The following RIPOR1 variants were observed in gnomAD, a reference collection of about 807,000 sequenced individuals.
RIPOR1 encodes the protein RHO family interacting cell polarization regulator 1.
RIPOR1 carries 58 observed loss-of-function variants against 116.5 expected under a neutral mutation model. The observed-to-expected ratio is 0.50, with a 90% CI of 0.40 to 0.62. The LOEUF (loss-of-function observed/expected upper bound fraction) is 0.62, where lower values mean the gene tolerates loss of function less well. Among genes scored for constraint, RIPOR1 ranks in the 20% least tolerant of loss-of-function variants. RIPOR1 has a pLI of 0.00. For synonymous variants in RIPOR1, 605 were observed against 650.0 expected (o/e 0.93, Z 1.05); for missense variants, 1,372 against 1,586.2 (o/e 0.86, Z 2.29).
Position 67,544,610 on chromosome 16 carries a change from A to G in RIPOR1, c.2734-85A>G, listed in dbSNP as rs1300360195. The G allele has an allele frequency of 3.8e-6, 6 of 1,584,088 alleles. No homozygotes were observed. Among genetic ancestry groups the G allele is most frequent in the East Asian group, 2.2e-5 (1 of 44,508 alleles). ...CAACTCTGCAACCCCAACCTCCCCC[A>G]GTGCATGCTGGGACTTGTCCCTGAG... On this transcript the variant is annotated intron_variant, in intron 15 of 21. Transcript: ENST00000042381. The surrounding 1 kb of genome is among the most constrained non-coding windows in gnomAD (Gnocchi z 5.1).
chr16:67,538,430 C>A lies in RIPOR1; in HGVS notation c.-17C>A. ...CCCCCCCGATCACCCGCAGGGAGCC[C>A]CGCGCGGACTCACTCTATGATGTCC... On this transcript the variant is annotated 5_prime_UTR_variant, in exon 2 of 22. Transcript: ENST00000042381. 6.3e-7 allele frequency: 1 copy of A among 1,584,528 alleles called. No homozygotes were observed. The highest frequency in any genetic ancestry group is 1.8e-5 in the Admixed American group (1 of 55,592).
Position 67,540,391 on chromosome 16 carries a change from G to T in RIPOR1, c.631+28G>T. On this transcript the variant is annotated intron_variant, in intron 8 of 21. Transcript: ENST00000042381. The surrounding 1 kb of genome is among the most constrained non-coding windows in gnomAD (Gnocchi z 4.7). ...ACTGAGTTGTGGGGGCAGGTGGGGG[G>T]CTGGAGGGAGTATGCTGAAGAACCC... The T allele has an allele frequency of 6.2e-7, 1 of 1,614,190 alleles. No homozygotes were observed. The highest frequency in any genetic ancestry group is 1.1e-5 in the South Asian group (1 of 91,088).
At chr16:67,539,415 G>T (rs961528355) in intron 4 of RIPOR1, 5 of 528,658 alleles carry the variant, frequency 9.5e-6, no homozygotes, top group African/African-American at 3.8e-5. Context: ...CACTTCTGCC[G>T]GGGCTTGATG....
intron 1 of RIPOR1, among the ~76,000 whole-genome samples, chr16:67,522,625 G>A (rs2050504932): frequency 6.6e-6 from 1 of 152,082 alleles, no homozygotes; most frequent in Non-Finnish European, 1.5e-5. Context: ...ATGAGCCACT[G>A]CATCCGGCCT....
At position 67,538,540 on chromosome 16, in the gene RIPOR1, C is replaced by CG. The variant is rs1480968363; in HGVS notation, c.99dup (p.Pro34AlafsTer84). On this transcript the variant is annotated frameshift_variant, in exon 2 of 22. Coordinates refer to ENST00000042381, the MANE Select transcript of RIPOR1 (RefSeq NM_024519.4). LOFTEE classifies it high-confidence loss of function. ...CGCAGGCGTCCTCGGCAGCCACGAG[C>CG]GGGGGCCCAGGTACGCGGCCGCGCA... 6.8e-6 allele frequency: 11 copies of CG among 1,612,062 alleles called. No homozygotes were observed. The highest frequency in any genetic ancestry group is 9.3e-6 in the Non-Finnish European group (11 of 1,179,232).
chr16:67,520,411 A>G (rs2050485204), intron 1 of RIPOR1, among the ~76,000 whole-genome samples: 1 of 150,890 alleles, frequency 6.6e-6, no homozygotes, highest in Non-Finnish European at 1.5e-5. Flanking sequence ...GAAGGAAGGA[A>G]GGGATGGAAA....
At chr16:67,535,186 C>T (rs1056131926) in intron 1 of RIPOR1, among the ~76,000 whole-genome samples, 4 of 152,124 alleles carry the variant, frequency 2.6e-5, no homozygotes, top group African/African-American at 9.7e-5. Flanking sequence ...TTGTCTGAGA[C>T]TTGTGGAGAA....
Position 67,529,772 on chromosome 16 carries a change from C to T in RIPOR1, c.-24+858C>T. 2.0e-6 allele frequency: 3 copies of T among 1,535,226 alleles called. No individual in the cohort carries two copies. Among genetic ancestry groups the T allele is most frequent in the Non-Finnish European group, 2.6e-6 (3 of 1,146,828 alleles). ...GTGCCCTGGCTGCAGTCTGCGGGGC[C>T]GCGCCCTGGGCCTGCCGCATTCGGC... On this transcript the variant is annotated intron_variant, in intron 1 of 21. Coordinates refer to ENST00000042381, the MANE Select transcript of RIPOR1 (RefSeq NM_024519.4). This position sits in a 1 kb window ranked among gnomAD's most constrained non-coding sequence, Gnocchi z 4.1.
Position 67,541,232 on chromosome 16 carries a change from AAT to A in RIPOR1, c.802-197_802-196del. 8.3e-5 allele frequency: 49 copies of A among 592,526 alleles called. No individual in the cohort carries two copies. Among genetic ancestry groups the A allele is most frequent in the South Asian group, 1.7e-4 (7 of 40,264 alleles). 36.7% of individuals were successfully genotyped at this position (592,526 alleles called of 1,614,324 possible). A position where few individuals can be genotyped will look rare whatever the true frequency, so the allele number is the denominator to read the frequency against. ...AGGTGCACCACCATGCCTGGCTAAA[AAT>A]TTTTTTTTTTTTTTTTTTTGAGACA... is the stretch of plus-strand genomic sequence containing the variant. On this transcript the variant is annotated intron_variant, in intron 10 of 21. Transcript: ENST00000042381. The surrounding 1 kb of genome is among the most constrained non-coding windows in gnomAD (Gnocchi z 4.6).
At chr16:67,538,234 C>A (rs2050857661) in intron 1 of RIPOR1, 190 bp from the exon 2 acceptor site, 3 of 616,840 alleles carry the variant, frequency 4.9e-6, no homozygotes, top group Non-Finnish European at 7.6e-6. Context: ...ACGCTGAGTC[C>A]GAGGCCGAGT....
Position 67,545,252 on chromosome 16 carries a change from A to T in RIPOR1, c.3032-124A>T. 1 of 1,514,648 alleles carries T rather than the reference A, an allele frequency of 6.6e-7. No homozygotes were observed. The highest frequency in any genetic ancestry group is 9.0e-7 in the Non-Finnish European group (1 of 1,116,304). The allele number at this position is 1,514,648 out of a possible 1,614,324, so 93.8% of individuals were successfully genotyped here. ...AGCAAAGACTTGGGCCTTAGAGCAG[A>T]AGGACCCAGATGGGTGGGGTTTGAA... On this transcript the variant is annotated intron_variant, in intron 17 of 21. Transcript: ENST00000042381. This position sits in a 1 kb window ranked among gnomAD's most constrained non-coding sequence, Gnocchi z 4.8.
Position 67,538,838 on chromosome 16 carries a change from C to T in RIPOR1, c.257+14C>T. ...GCGGGGCCTGACGTGAGCAGCTCCT[C>T]TGTTCCCAGCCCTGTCCCGGGATCC... On this transcript the variant is annotated intron_variant, in intron 3 of 21. Transcript: ENST00000042381. 6.2e-7 allele frequency: 1 copy of T among 1,612,336 alleles called. No individual in the cohort carries two copies.
chr16:67,540,714 C>A lies in RIPOR1; in HGVS notation c.801+10C>A. 1 of 1,571,876 alleles carries A rather than the reference C, an allele frequency of 6.4e-7. No homozygotes were observed. Among genetic ancestry groups the A allele is most frequent in the African/African-American group, 1.4e-5 (1 of 73,758 alleles). ...ATTTCTGTCTATTAAGGTGATGTCT[C>A]TGCCCAGGACGGCAGGCCACCATGG... On this transcript the variant is annotated intron_variant, in intron 10 of 21. Transcript: ENST00000042381. This position sits in a 1 kb window ranked among gnomAD's most constrained non-coding sequence, Gnocchi z 4.7.
At position 67,542,075 on chromosome 16, in the gene RIPOR1, A is replaced by G; in HGVS notation, c.1289A>G (p.Glu430Gly). The G allele has an allele frequency of 6.2e-7, 1 of 1,606,178 alleles. No individual in the cohort carries two copies. Among genetic ancestry groups the G allele is most frequent in the African/African-American group, 1.3e-5 (1 of 74,830 alleles). Residue 430 changes from glutamate (E) to glycine (G), a missense_variant, in exon 13 of 22, where the codon GAG (glutamate) becomes GGG (glycine). Transcript: ENST00000042381. The surrounding 1 kb of genome is among the most constrained non-coding windows in gnomAD (Gnocchi z 4.6). ...CCCAGCTCTGGGCCCTTGGATGAGGAGGGGGCCGTGGCCCCAGTCCTGGCA... is the reference window on the plus strand; with the variant it reads ...CCCAGCTCTGGGCCCTTGGATGAGGGGGGGGCCGTGGCCCCAGTCCTGGCA... ...ETPSSGPLDE[E>G]GAVAPVLANG...
chr16:67,542,133 C>T lies in RIPOR1; in HGVS notation c.1347C>T (p.Ser449=), dbSNP rs183208454. 4.9e-4 allele frequency: 785 copies of T among 1,613,756 alleles called. No homozygotes were observed. Among genetic ancestry groups the T allele is most frequent in the Non-Finnish European group, 6.3e-4 (742 of 1,179,732 alleles). ...ATGCACCCTACAGTCGGACTCTGAG[C>T]CACATCAGTGAGGCTAGTGTAGATG... is the stretch of plus-strand genomic sequence containing the variant. ...NGHAPYSRTL[S]HISEASVDAA... is the part of the protein sequence containing the mutation. Residue 449 remains serine, a synonymous_variant, in exon 13 of 22, where the codon AGC becomes AGT. Transcript: ENST00000042381. This position sits in a 1 kb window ranked among gnomAD's most constrained non-coding sequence, Gnocchi z 4.6.
rs1282415963 is a variant in RIPOR1 at position 67,540,194 on chromosome 16, G to A, written c.556G>A (p.Glu186Lys). Residue 186 changes from glutamate (E) to lysine (K), a missense_variant, in exon 7 of 22, where the codon GAG (glutamate) becomes AAG (lysine). Coordinates refer to ENST00000042381, the MANE Select transcript of RIPOR1 (RefSeq NM_024519.4). The surrounding 1 kb of genome is among the most constrained non-coding windows in gnomAD (Gnocchi z 4.7). ...SLAEATRGHR[E>K]YTESMCLLES... The stretch of plus-strand genomic sequence containing the variant: ...GGCAGAGGCCACTCGGGGGCATCGC[G>A]AGTACACGGAGGTGAGGGATGGGGG... The A allele has an allele frequency of 5.6e-6, 9 of 1,614,078 alleles. No individual in the cohort carries two copies. The highest frequency in any genetic ancestry group is 5.0e-5 in the Admixed American group (3 of 60,036).
At position 67,540,522 on chromosome 16, in the gene RIPOR1, G is replaced by C; in HGVS notation, c.675+21G>C. 6.2e-7 allele frequency: 1 copy of C among 1,614,136 alleles called. No homozygotes were observed. Among genetic ancestry groups the C allele is most frequent in the South Asian group, 1.1e-5 (1 of 91,084 alleles). On this transcript the variant is annotated intron_variant, in intron 9 of 21. Coordinates refer to ENST00000042381, the MANE Select transcript of RIPOR1 (RefSeq NM_024519.4). The surrounding 1 kb of genome is among the most constrained non-coding windows in gnomAD (Gnocchi z 4.7). ...ATGAGGTATGAGAATGTGCAGGGAA[G>C]GGCTGGGTCGGTAGGGTCCCAACAC... is the stretch of plus-strand genomic sequence containing the variant.
rs951074195 is a variant in RIPOR1, at chr16:67,530,204, C to T, written c.-24+1290C>T. On this transcript the variant is annotated intron_variant, in intron 1 of 21. Transcript: ENST00000042381. This position sits in a 1 kb window ranked among gnomAD's most constrained non-coding sequence, Gnocchi z 4.5. ...GGGCGCGGGTGAGTCACGGCGGCCC[C>T]TCTGCGTCGCCGCTCGGACTCAGCC... 1.7e-5 allele frequency: 5 copies of T among 290,172 alleles called. No homozygotes were observed. Among genetic ancestry groups the T allele is most frequent in the Non-Finnish European group, 2.6e-5 (4 of 153,258 alleles). The allele number at this position is 290,172 out of a possible 1,614,324, so 18.0% of individuals were successfully genotyped here.
rs907385728 is a variant in RIPOR1 at position 67,539,945 on chromosome 16, C to G, written c.414+46C>G. ...CAGAGTGGGGTGGGGGGTTGGATAT[C>G]ATAGGGAGAAGAGGGGTGGTGCCAG... On this transcript the variant is annotated intron_variant, in intron 6 of 21. Coordinates refer to ENST00000042381, the MANE Select transcript of RIPOR1 (RefSeq NM_024519.4). 1.9e-6 allele frequency: 3 copies of G among 1,613,728 alleles called. No homozygotes were observed. The African/African-American group carries it at 4.0e-5, about 22-fold the overall frequency.
Sources: allele counts gnomAD v4.1 joint callset (sites outside exome capture counted in the v4.1 genomes callset), GRCh38; gene constraint gnomAD v4.1.1; non-coding constraint Gnocchi (gnomAD v3.1); transcripts MANE v1.5; gene names NCBI Gene and HGNC (gene_info 2026-07-23, HGNC 2026-07-21).